The following RYR2 variants were observed in gnomAD, a reference collection of about 807,000 sequenced individuals.
RYR2 encodes the protein ryanodine receptor 2.
Under a neutral mutation model 601.1 loss-of-function variants are expected in RYR2, and 227 were observed. The observed-to-expected ratio is 0.38, with a 90% CI of 0.34 to 0.42. The LOEUF (loss-of-function observed/expected upper bound fraction) is 0.42. Ranked by LOEUF, RYR2 falls within the 10% of genes least tolerant of loss-of-function variation. The pLI, the probability that RYR2 is intolerant of heterozygous loss-of-function variation, is 1.00. For missense variants in RYR2, 4,646 were observed against 6,156.5 expected, an observed-to-expected ratio of 0.75 and a Z score of 8.21; for synonymous variants, 2,223 against 2,175.1, an observed-to-expected ratio of 1.02 and a Z score of -0.61.
intron 4 of RYR2, among the ~76,000 whole-genome samples, chr1:237,363,408 C>A (rs1008802956): frequency 6.6e-6 from 1 of 151,710 alleles, no homozygotes; most frequent in African/African-American, 2.4e-5. Flanking sequence ...ACAGAATTTC[C>A]CTTTAATAAT....
At chr1:237,206,288 A>G (rs1389079486) in intron 1 of RYR2, among the ~76,000 whole-genome samples, 1 of 152,192 alleles carries the variant, frequency 6.6e-6, no homozygotes, top group Non-Finnish European at 1.5e-5. Context: ...CCCTGCAGCC[A>G]GGTCCTGAAT....
chr1:237,802,021 A>G, intron 98 of RYR2, 105 bp downstream of exon 98: 6 of 664,550 alleles, frequency 9.0e-6, no homozygotes, highest in Non-Finnish European at 1.6e-5. Context: ...TTCGAATACC[A>G]ATTCATTTCA....
At chr1:237,665,980 G>A (rs950513595) in intron 56 of RYR2, among the ~76,000 whole-genome samples, 1 of 142,600 alleles carries the variant, frequency 7.0e-6, no homozygotes, top group Non-Finnish European at 1.6e-5. Flanking sequence ...TGATAAAGAG[G>A]TATATTTCAT....
chr1:237,609,439 A>T (rs575373180), intron 35 of RYR2, among the ~76,000 whole-genome samples: 2 of 142,808 alleles, frequency 1.4e-5, no homozygotes, highest in Non-Finnish European at 3.0e-5. Flanking sequence ...ACACGATCTC[A>T]GCTCACTGCA....
chr1:237,131,980 TC>T (rs1672219833), intron 1 of RYR2, among the ~76,000 whole-genome samples: 1 of 152,142 alleles, frequency 6.6e-6, no homozygotes, highest in African/African-American at 2.4e-5. Context: ...CACCTCAGCC[TC>T]CCAAAATGCT....
chr1:237,396,787 A>G (rs556700392), intron 10 of RYR2, among the ~76,000 whole-genome samples: 18 of 152,230 alleles, frequency 1.2e-4, no homozygotes, highest in Admixed American at 2.6e-4. Context: ...AAACATACAC[A>G]AAAGAGAACC....
intron 65 of RYR2, 85 bp downstream of exon 65, chr1:237,700,552 G>T: frequency 4.4e-6 from 3 of 685,214 alleles, no homozygotes; most frequent in Admixed American, 2.8e-5. Flanking sequence ...GCCACATCTG[G>T]GTTACTAAAA....
chr1:237,324,784 C>T (rs1418671561), intron 2 of RYR2, among the ~76,000 whole-genome samples: 2 of 152,188 alleles, frequency 1.3e-5, no homozygotes, highest in Non-Finnish European at 2.9e-5. Context: ...AAACTGTCAA[C>T]ATTAACTACA....
intron 85 of RYR2, 98 bp from the exon 86 acceptor site, chr1:237,771,914 A>G (rs1694302628): frequency 7.2e-6 from 5 of 693,294 alleles, no homozygotes; most frequent in Admixed American, 7.1e-5. Flanking sequence ...CTAACCCACA[A>G]TGATTTTGCC....
At chr1:237,312,432 A>G (rs1033214242) in intron 2 of RYR2, among the ~76,000 whole-genome samples, 1 of 152,232 alleles carries the variant, frequency 6.6e-6, no homozygotes, top group Admixed American at 6.5e-5. Context: ...GAATTTTACA[A>G]AAAGTTAAGT....
At chr1:237,599,302 G>T (rs147146921) in intron 34 of RYR2, among the ~76,000 whole-genome samples, 1 of 152,208 alleles carries the variant, frequency 6.6e-6, no homozygotes, top group East Asian at 1.9e-4. Flanking sequence ...GAAATAAAAG[G>T]CATCCAAATT....
At chr1:237,640,694 C>T (rs1681374239) in intron 46 of RYR2, among the ~76,000 whole-genome samples, 1 of 152,204 alleles carries the variant, frequency 6.6e-6, no homozygotes, top group Admixed American at 6.5e-5. Flanking sequence ...CAGATGTGTT[C>T]TTGGTGTTAG....
intron 77 of RYR2, 44 bp from the exon 78 acceptor site, chr1:237,732,002 A>ATT: frequency 2.4e-6 from 3 of 1,246,762 alleles, no homozygotes; most frequent in Non-Finnish European, 3.5e-6. Flanking sequence ...TTGAGTGAAC[A>ATT]TTTTTTTTTA....
At chr1:237,112,082 C>G (rs1260836402) in intron 1 of RYR2, among the ~76,000 whole-genome samples, 1 of 152,074 alleles carries the variant, frequency 6.6e-6, no homozygotes, top group Non-Finnish European at 1.5e-5. Context: ...AGTTCCCCCT[C>G]CATCACTGGA....
rs1334120771 is a variant in RYR2 at position 237,756,815 on chromosome 1, CA to C, written c.11245+435del. 5.9e-5 allele frequency among the ~76,000 whole-genome samples: 9 copies of C among 152,150 alleles called. No homozygotes were observed. The East Asian group carries it at 1.7e-3, about 29-fold the overall frequency. ...GTACACAAACAGCGTGGCTGTGTTC[CA>C]AAAAAACTTTATTTACACACACTTT... On this transcript the variant is annotated intron_variant, in intron 81 of 104. Transcript: ENST00000366574.
intron 25 of RYR2, among the ~76,000 whole-genome samples, chr1:237,542,062 A>C (rs1042558411): frequency 1.5e-4 from 18 of 122,090 alleles, no homozygotes; most frequent in African/African-American, 2.7e-4. Flanking sequence ...TTTTGTCTTT[A>C]TTTATTTATT....
At chr1:237,632,836 A>G (rs114173430) in intron 42 of RYR2, among the ~76,000 whole-genome samples, 451 of 152,340 alleles carry the variant, frequency 3.0e-3, no homozygotes, top group African/African-American at 0.01. Flanking sequence ...TTTAAATCTT[A>G]GGATGTATTT....
chr1:237,641,493 C>CTTTCTTTCTTTCTTTCTT (rs1553265014), intron 47 of RYR2, among the ~76,000 whole-genome samples: 29 of 142,078 alleles, frequency 2.0e-4, no homozygotes, highest in Non-Finnish European at 3.1e-4. Context: ...TTCTTTCTTT[C>CTTTCTTTCTTTCTTTCTT]TTTCTTTCTT....
chr1:237,159,933 A>G (rs1174842458), intron 1 of RYR2, among the ~76,000 whole-genome samples: 1 of 152,202 alleles, frequency 6.6e-6, no homozygotes, highest in Non-Finnish European at 1.5e-5. Flanking sequence ...GTGCCACCTT[A>G]TAGTATGTAT....
Sources: allele counts gnomAD v4.1 joint callset (sites outside exome capture counted in the v4.1 genomes callset), GRCh38; gene constraint gnomAD v4.1.1; transcripts MANE v1.5; gene names NCBI Gene and HGNC (gene_info 2026-07-23, HGNC 2026-07-21).